The following ADCY5 variants were observed in gnomAD, a reference collection of about 807,000 sequenced individuals.
ADCY5 encodes the protein adenylate cyclase 5, also known as adenylate cyclase type 5.
In ADCY5, 30 loss-of-function variants were observed where a neutral mutation model predicts 119.7. The ratio of observed to expected loss-of-function variants is 0.25; its 90% CI spans 0.19 to 0.34. The LOEUF is 0.34. Among genes scored for constraint, ADCY5 ranks in the 10% least tolerant of loss-of-function variants. ADCY5 has a pLI of 1.00. For synonymous variants in ADCY5, 753 were observed against 762.2 expected, an observed-to-expected ratio of 0.99 and a Z score of 0.20; for missense variants, 1,324 against 1,775.2, an observed-to-expected ratio of 0.75 and a Z score of 4.57.
Position 123,448,111 on chromosome 3 carries a change from C to G in ADCY5, c.435G>C (p.Ser145=), listed in dbSNP as rs1945861434. The G allele has an allele frequency of 8.9e-7, 1 of 1,118,256 alleles. No homozygotes were observed. Among genetic ancestry groups the G allele is most frequent in the Non-Finnish European group, 1.1e-6 (1 of 918,912 alleles). 69.3% of individuals were successfully genotyped at this position (1,118,256 alleles called of 1,614,324 possible). A position where few individuals can be genotyped will look rare whatever the true frequency, so the allele number is the denominator to read the frequency against. ...GGGGSAAAAA[S]AGGTEVRPRS... Reference sequence around the variant, plus strand: ...GAGGGCGCACCTCCGTCCCGCCCGCCGAGGCAGCCGCCGCCGCCGAGCCGC... The same window carrying G: ...GAGGGCGCACCTCCGTCCCGCCCGCGGAGGCAGCCGCCGCCGCCGAGCCGC... Residue 145 remains serine (S), a synonymous_variant, in exon 1 of 21, where the codon TCG becomes TCC. Coordinates refer to ENST00000462833, the MANE Select transcript of ADCY5 (RefSeq NM_183357.3).
intron 1 of ADCY5, among the ~76,000 whole-genome samples, chr3:123,388,893 A>T (rs990858121): frequency 3.9e-5 from 6 of 152,136 alleles, no homozygotes; most frequent in African/African-American, 1.4e-4. Flanking sequence ...GAGTTGGAGG[A>T]GAGAGACGTG....
At chr3:123,393,326 A>C (rs958265239) in intron 1 of ADCY5, among the ~76,000 whole-genome samples, 3 of 150,290 alleles carry the variant, frequency 2.0e-5, no homozygotes, top group Non-Finnish European at 4.4e-5. Flanking sequence ...CAGAAGTGGG[A>C]GGATTACACA....
At chr3:123,337,332 A>C (rs963717455) in intron 3 of ADCY5, among the ~76,000 whole-genome samples, 15 of 152,116 alleles carry the variant, frequency 9.9e-5, no homozygotes, top group Non-Finnish European at 1.8e-4. Context: ...TCTGCTCTGC[A>C]CCCTGCCTGA....
At position 123,296,182 on chromosome 3, in the gene ADCY5, C is replaced by T. The variant is rs1939492714; in HGVS notation, c.2965G>A (p.Val989Met). ...AAGACTGAGATGATGATGGGCGTCA[C>T]CACCTTCAATGCCACCTTGGTTGCA... ...EHATKVALKV[V>M]TPIIISVFVL... Residue 989 changes from valine (V) to methionine (M), a missense_variant, in exon 17 of 21, where the codon GTG becomes ATG. Val to Met is a conservative substitution (Grantham distance 21). Transcript: ENST00000462833. The T allele has an allele frequency of 1.2e-6, 2 of 1,613,846 alleles. No individual in the cohort carries two copies. Among genetic ancestry groups the T allele is most frequent in the African/African-American group, 1.3e-5 (1 of 74,910 alleles).
intron 1 of ADCY5, among the ~76,000 whole-genome samples, chr3:123,397,402 G>A (rs879330719): frequency 2.0e-5 from 3 of 152,228 alleles, no homozygotes; most frequent in East Asian, 1.9e-4. Flanking sequence ...TTGGGAGGCC[G>A]AGGCGGAAGG....
intron 1 of ADCY5, among the ~76,000 whole-genome samples, chr3:123,389,994 T>C (rs1238165057): frequency 1.3e-5 from 2 of 152,162 alleles, no homozygotes; most frequent in East Asian, 1.9e-4. Flanking sequence ...AGGAAGGGCC[T>C]GGCTTCCTAC....
intron 1 of ADCY5, among the ~76,000 whole-genome samples, chr3:123,389,375 G>A (rs1444793566): frequency 6.6e-6 from 1 of 152,076 alleles, no homozygotes; most frequent in African/African-American, 2.4e-5. Flanking sequence ...AGTTAGGAAC[G>A]CAGCTTCGAG....
At chr3:123,306,581 A>G (rs1940210639) in intron 12 of ADCY5, among the ~76,000 whole-genome samples, 1 of 152,216 alleles carries the variant, frequency 6.6e-6, no homozygotes, top group Non-Finnish European at 1.5e-5. Flanking sequence ...CACCATCAGG[A>G]AAGTTTTAAA....
chr3:123,306,632 C>T (rs1940213588), intron 12 of ADCY5, among the ~76,000 whole-genome samples: 1 of 152,164 alleles, frequency 6.6e-6, no homozygotes, highest in Admixed American at 6.5e-5. Flanking sequence ...AATCCTTGTG[C>T]GTTGCTGGTG....
intron 1 of ADCY5, among the ~76,000 whole-genome samples, chr3:123,364,217 A>G (rs916044713): frequency 2.0e-5 from 3 of 152,228 alleles, no homozygotes; most frequent in Non-Finnish European, 4.4e-5. Flanking sequence ...AAAAAGAAAT[A>G]CTGATAAACT....
chr3:123,328,595 G>A (rs527386433), intron 6 of ADCY5, 49 bp downstream of exon 6: 1 of 1,599,690 alleles, frequency 6.3e-7, no homozygotes, highest in South Asian at 1.1e-5. Flanking sequence ...GGGTGGGCTT[G>A]AGTGGGAACC....
intron 5 of ADCY5, among the ~76,000 whole-genome samples, chr3:123,329,728 C>T (rs1389299569): frequency 6.6e-6 from 1 of 152,222 alleles, no homozygotes; most frequent in Non-Finnish European, 1.5e-5. Flanking sequence ...CTGAGACTCC[C>T]TGACCCCATC....
At chr3:123,314,873 A>G (rs1280408074) in intron 11 of ADCY5, among the ~76,000 whole-genome samples, 2 of 152,096 alleles carry the variant, frequency 1.3e-5, no homozygotes, top group Non-Finnish European at 2.9e-5. Flanking sequence ...CAGAATCTCT[A>G]AGCGCCACCC....
chr3:123,429,277 G>A (rs1052601961), intron 1 of ADCY5, among the ~76,000 whole-genome samples: 1 of 152,216 alleles, frequency 6.6e-6, no homozygotes, highest in African/African-American at 2.4e-5. Context: ...AAAGTGCACA[G>A]GCTGTGGCAT....
At chr3:123,371,809 A>G (rs1290751604) in intron 1 of ADCY5, among the ~76,000 whole-genome samples, 4 of 152,148 alleles carry the variant, frequency 2.6e-5, no homozygotes, top group Non-Finnish European at 5.9e-5. Flanking sequence ...ATATCTACAC[A>G]GTGAAGGGCA....
In ADCY5 at chr3:123,367,852, A is replaced by G. The variant is rs559345002; in HGVS notation, c.1135-15271T>C. The G allele has an allele frequency of 2.6e-4, 274 of 1,070,240 alleles. 2 individuals are homozygous for G. In the South Asian group the frequency reaches 4.2e-3, roughly 17 times the overall value. The allele number at this position is 1,070,240 out of a possible 1,614,324, so 66.3% of individuals were successfully genotyped here. Reference sequence around the variant, plus strand: ...ATTTTAGGTCAGCAGAATCCAGAAGAAAAAAAAAAACACCAAAGAGAAAAT... The same window carrying G: ...ATTTTAGGTCAGCAGAATCCAGAAGGAAAAAAAAAACACCAAAGAGAAAAT... On this transcript the variant is annotated intron_variant, in intron 1 of 20. Transcript: ENST00000462833.
intron 16 of ADCY5, chr3:123,296,937 C>T (rs1939554037): frequency 1.3e-6 from 2 of 1,503,216 alleles, no homozygotes; most frequent in African/African-American, 1.4e-5. Context: ...CAGGCAGCAG[C>T]CCTCAATGCA....
chr3:123,325,522 C>G lies in ADCY5; in HGVS notation c.1948-60G>C. The G allele has an allele frequency of 3.1e-6, 5 of 1,601,986 alleles. No homozygotes were observed. The South Asian group carries it at 5.5e-5, about 18-fold the overall frequency. On this transcript the variant is annotated intron_variant, in intron 7 of 20. Coordinates refer to ENST00000462833, the MANE Select transcript of ADCY5 (RefSeq NM_183357.3). ...GAGTCCAAGCGGAGGGCTCCTCACC[C>G]TTCCCCAAACATCGTACCTGGCCAG...
chr3:123,435,994 G>A (rs917697469), intron 1 of ADCY5, among the ~76,000 whole-genome samples: 4 of 150,594 alleles, frequency 2.7e-5, no homozygotes, highest in East Asian at 2.0e-4. Context: ...GGGTTCAAGC[G>A]ATTCTCCTGC....
Sources: gnomAD v4.1 joint callset for allele counts (sites outside exome capture counted in the v4.1 genomes callset) on GRCh38, gnomAD v4.1.1 for gene constraint, MANE v1.5 for transcripts, NCBI Gene and HGNC (gene_info 2026-07-23, HGNC 2026-07-21) for gene names.